SSBP4: variants seen among roughly 807,000 people sequenced by gnomAD.
SSBP4 encodes single stranded DNA binding protein 4, also known as single-stranded DNA-binding protein 4.
SSBP4 carries 33 observed loss-of-function variants against 64.6 expected under a neutral mutation model. That is an observed-to-expected ratio of 0.51 (90% CI 0.39 to 0.68). The LOEUF is 0.68. SSBP4 is among the 30% of genes least tolerant of loss of function. SSBP4 has a pLI of 0.00. For synonymous variants in SSBP4, 243 were observed against 224.0 expected, an observed-to-expected ratio of 1.08 and a Z score of -0.76; for missense variants, 583 against 566.8, an observed-to-expected ratio of 1.03 and a Z score of -0.29.
chr19:18,414,627 G>A (rs1397890260), upstream of SSBP4, among the ~76,000 whole-genome samples: 2 of 152,222 alleles, frequency 1.3e-5, no homozygotes, highest in Non-Finnish European at 2.9e-5. Flanking sequence ...GCTTCGATGT[G>A]TGGCCGGTGA....
chr19:18,431,675 G>A lies in SSBP4; in HGVS notation c.464G>A (p.Gly155Asp), dbSNP rs1568354520. The stretch of plus-strand genomic sequence containing the variant: ...TTCATGTCACCGCGCTTCCCAGGGG[G>A]CCCCCGGCCCACCCTGCGGATGCCG... Reference protein sequence around the residue: ...QPFMSPRFPGGPRPTLRMPSQ... With the variant: ...QPFMSPRFPGDPRPTLRMPSQ... Residue 155 changes from glycine (G) to aspartate (D), a missense_variant, in exon 7 of 18, where the codon GGC (glycine) becomes GAC (aspartate). Physicochemically the swap from Gly to Asp is moderately conservative, Grantham distance 94. Transcript: ENST00000270061. 1.3e-6 allele frequency: 2 copies of A among 1,552,588 alleles called. No individual in the cohort carries two copies. Among genetic ancestry groups the A allele is most frequent in the Non-Finnish European group, 1.7e-6 (2 of 1,148,640 alleles).
Position 18,419,620 on chromosome 19 carries a change from G to T in SSBP4, c.-29G>T. The T allele has an allele frequency of 7.9e-7, 1 of 1,263,658 alleles. No homozygotes were observed. The highest frequency in any genetic ancestry group is 2.1e-5 in the South Asian group (1 of 48,518). The allele number at this position is 1,263,658 out of a possible 1,614,324, so 78.3% of individuals were successfully genotyped here. On this transcript the variant is annotated 5_prime_UTR_variant, in exon 1 of 18. Transcript: ENST00000270061. Reference sequence around the variant, plus strand: ...GCCCGCGGCGCCGCCTGACAGGTGTGGGCCCCGGCGGCGGCGGCGTGGAGC... The same window carrying T: ...GCCCGCGGCGCCGCCTGACAGGTGTTGGCCCCGGCGGCGGCGGCGTGGAGC...
intron 1 of SSBP4, among the ~76,000 whole-genome samples, chr19:18,424,802 G>A (rs1048687419): frequency 1.3e-5 from 2 of 150,658 alleles, no homozygotes; most frequent in Non-Finnish European, 3.0e-5. Context: ...CTGTGCGCAC[G>A]CCACCAGAGG....
chr19:18,431,438 G>T lies in SSBP4; in HGVS notation c.435+20G>T. On this transcript the variant is annotated intron_variant, in intron 6 of 17. Coordinates refer to ENST00000270061, the MANE Select transcript of SSBP4 (RefSeq NM_032627.5). ...GGTCAGGTAAGGAGCTGTGGTGCCT[G>T]CCCCTCACACACACACATCCCCTCC... 1 of 1,450,890 alleles carries T rather than the reference G, an allele frequency of 6.9e-7. No individual in the cohort carries two copies. 89.9% of individuals were successfully genotyped at this position (1,450,890 alleles called of 1,614,324 possible).
At chr19:18,411,037 G>A in the SSBP4 span, among the ~76,000 whole-genome samples, 10 of 151,850 alleles carry the variant, frequency 6.6e-5, no homozygotes, top group African/African-American at 2.4e-4. Context: ...CACTTTGGGA[G>A]GCCAAGGCAG....
intron 4 of SSBP4, 42 bp from the exon 5 acceptor site, chr19:18,430,798 AG>A: frequency 1.3e-6 from 2 of 1,562,272 alleles, no homozygotes; most frequent in Non-Finnish European, 8.7e-7. Flanking sequence ...GGAAGTGTCC[AG>A]GTGTCCTGAC....
At chr19:18,419,756 G>C in intron 1 of SSBP4, 49 bp downstream of exon 1, 3 of 1,109,444 alleles carry the variant, frequency 2.7e-6, no homozygotes, top group Middle Eastern at 3.6e-4. Flanking sequence ...TCTTCCGTGG[G>C]CTCCGGCGCG....
chr19:18,433,430 C>T, intron 15 of SSBP4, 155 bp from the exon 16 acceptor site: 1 of 1,377,500 alleles, frequency 7.3e-7, no homozygotes, highest in Non-Finnish European at 9.9e-7. Context: ...CCAGGCCCAA[C>T]CCTCCACCTG....
rs1972924358 is a variant in SSBP4 at position 18,427,297 on chromosome 19, G to A, written c.60-54G>A. On this transcript the variant is annotated intron_variant, in intron 1 of 17. Coordinates refer to ENST00000270061, the MANE Select transcript of SSBP4 (RefSeq NM_032627.5). The surrounding 1 kb of genome is among the most constrained non-coding windows in gnomAD (Gnocchi z 4.4). Reference sequence around the variant, plus strand: ...CTCCTGAGAGATGGAGGGGCTTTGGGGTGGGCCCTTGCCTTGGAGAGTCTG... The same window carrying A: ...CTCCTGAGAGATGGAGGGGCTTTGGAGTGGGCCCTTGCCTTGGAGAGTCTG... 6.3e-7 allele frequency: 1 copy of A among 1,585,422 alleles called. No individual in the cohort carries two copies. Among genetic ancestry groups the A allele is most frequent in the Non-Finnish European group, 8.6e-7 (1 of 1,166,084 alleles).
At position 18,432,617 on chromosome 19, in the gene SSBP4, C is replaced by A; in HGVS notation, c.750+13C>A. ...CAGTGGAAACTCGGTGAGCCTATGG[C>A]TGGGTGGGCAGGCTTGGGGTGGGGT... On this transcript the variant is annotated intron_variant, in intron 11 of 17. Transcript: ENST00000270061. 1 of 759,102 alleles carries A rather than the reference C, an allele frequency of 1.3e-6. No homozygotes were observed. The highest frequency in any genetic ancestry group is 2.0e-6 in the Non-Finnish European group (1 of 506,336). The allele number at this position is 759,102 out of a possible 1,614,324, so 47.0% of individuals were successfully genotyped here.
Position 18,434,480 on chromosome 19 carries a change from A to G in SSBP4, c.*234A>G, listed in dbSNP as rs988153316. ...CCATTTGTATTTTGTCCCAGAGAGA[A>G]AGGCTCTTTGGGGGGCCCCTCTCCC... On this transcript the variant is annotated 3_prime_UTR_variant, in exon 18 of 18. Coordinates refer to ENST00000270061, the MANE Select transcript of SSBP4 (RefSeq NM_032627.5). 6.2e-5 allele frequency: 54 copies of G among 872,570 alleles called. No homozygotes were observed. The highest frequency in any genetic ancestry group is 7.2e-5 in the Non-Finnish European group (45 of 622,436). The allele number at this position is 872,570 out of a possible 1,614,324, so 54.1% of individuals were successfully genotyped here.
chr19:18,404,351 T>G, the SSBP4 span, among the ~76,000 whole-genome samples: 1 of 151,404 alleles, frequency 6.6e-6, no homozygotes, highest in East Asian at 1.9e-4. Flanking sequence ...CCTAGCACTT[T>G]AGGAGGCTGA....
upstream of SSBP4, among the ~76,000 whole-genome samples, chr19:18,414,635 T>C (rs966454423): frequency 6.6e-6 from 1 of 152,294 alleles, no homozygotes; most frequent in African/African-American, 2.4e-5. Flanking sequence ...GTGTGGCCGG[T>C]GAAAGCCACA....
At chr19:18,414,664 G>T (rs1223848890), upstream of SSBP4, among the ~76,000 whole-genome samples, 2 of 152,230 alleles carry the variant, frequency 1.3e-5, no homozygotes, top group African/African-American at 2.4e-5. Flanking sequence ...TAGAAGCACA[G>T]AAGTGTACCG....
chr19:18,409,292 T>G, the SSBP4 span, among the ~76,000 whole-genome samples: 3 of 151,668 alleles, frequency 2.0e-5, no homozygotes, highest in East Asian at 1.9e-4. Flanking sequence ...GTTCAAGCGA[T>G]TCTCTCGCCT....
Position 18,433,149 on chromosome 19 carries a change from T to G in SSBP4, c.927T>G (p.Pro309=). The G allele has an allele frequency of 2.5e-6, 4 of 1,603,018 alleles. No homozygotes were observed. The highest frequency in any genetic ancestry group is 3.4e-6 in the Non-Finnish European group (4 of 1,175,542). ...GAGRANFPLG[P]GPEGPMAAMS... is the part of the protein sequence containing the mutation. ...CATGCCCGCAGTTCCCGCTCGGCCC[T>G]GGCCCGGAGGGCCCCATGGCCGCCA... Residue 309 remains proline, a synonymous_variant, in exon 15 of 18, where the codon CCT becomes CCG. Transcript: ENST00000270061.
chr19:18,428,051 T>TGGGGTGGG, intron 4 of SSBP4, 69 bp downstream of exon 4: 31 of 496,522 alleles, frequency 6.2e-5, no homozygotes, highest in East Asian at 1.8e-4. Flanking sequence ...GCTGGGGAGG[T>TGGGGTGGG]GGGGTGGGGG....
intron 1 of SSBP4, among the ~76,000 whole-genome samples, chr19:18,421,355 C>T (rs1972455644): frequency 6.6e-6 from 1 of 152,224 alleles, no homozygotes; most frequent in Non-Finnish European, 1.5e-5. Context: ...AGGTCGGAAG[C>T]AGGAGGTGTC....
chr19:18,419,374 C>T (rs1600275913), upstream of SSBP4: 9 of 1,025,380 alleles, frequency 8.8e-6, no homozygotes, highest in East Asian at 2.8e-4. Context: ...CGGGGGCGCG[C>T]GCGGCGGGAG....
Sources: gnomAD v4.1 joint callset for allele counts (sites outside exome capture counted in the v4.1 genomes callset) on GRCh38, gnomAD v4.1.1 for gene constraint, Gnocchi (gnomAD v3.1) non-coding constraint, MANE v1.5 for transcripts, NCBI Gene and HGNC (gene_info 2026-07-23, HGNC 2026-07-21) for gene names.